The following CRTAC1 variants were observed in gnomAD, a reference collection of about 807,000 sequenced individuals.
CRTAC1 encodes the protein acidic secreted protein in cartilage.
A neutral mutation model predicts 67.8 loss-of-function variants in CRTAC1; 37 were observed. The observed-to-expected ratio is 0.55, with a 90% CI of 0.42 to 0.72. The LOEUF (loss-of-function observed/expected upper bound fraction) is 0.72, where lower values mean the gene tolerates loss of function less well. Ranked by LOEUF, CRTAC1 falls within the 30% of genes least tolerant of loss-of-function variation. CRTAC1 has a pLI of 0.00. For synonymous variants in CRTAC1, 348 were observed against 371.0 expected (o/e 0.94, Z 0.71); for missense variants, 780 against 931.6 (o/e 0.84, Z 2.12).
intron 2 of CRTAC1, 143 bp from the exon 3 acceptor site, chr10:97,936,509 G>A (rs2051091885): frequency 1.6e-6 from 1 of 620,708 alleles, no homozygotes; most frequent in South Asian, 2.3e-5. Context: ...AACACGGCCA[G>A]CCTTGCCTCA....
intron 2 of CRTAC1, among the ~76,000 whole-genome samples, chr10:97,988,943 C>G (rs188171173): frequency 7.2e-5 from 11 of 152,284 alleles, no homozygotes; most frequent in African/African-American, 2.4e-4. Context: ...AATCTGTGGA[C>G]TCAGTAAAGT....
In CRTAC1 at chr10:97,933,108, G is replaced by A. The variant is rs2051026037; in HGVS notation, c.421+3062C>T. 2.6e-5 allele frequency among the ~76,000 whole-genome samples: 4 copies of A among 152,362 alleles called. No individual in the cohort carries two copies. The South Asian group carries it at 8.3e-4, about 32-fold the overall frequency. ...GGCTGGTTGGGACCCCTGGAGAGTG[G>A]GAAGGGTGGCAATGGCCAAGTGCCA... is the stretch of plus-strand genomic sequence containing the variant. On this transcript the variant is annotated intron_variant, in intron 3 of 14. Coordinates refer to ENST00000370597, the MANE Select transcript of CRTAC1 (RefSeq NM_018058.7).
chr10:97,865,828 GGGA>G lies in CRTAC1; in HGVS notation c.1820-117_1820-115del. Reference sequence around the variant, plus strand: ...GCTCACCCTGCTGCCCGGGGTGGGAGGGAGGGTGACGGGCCTCATATTTCCTGT... The same window carrying G: ...GCTCACCCTGCTGCCCGGGGTGGGAGGGGTGACGGGCCTCATATTTCCTGT... On this transcript the variant is annotated intron_variant, in intron 14 of 14. Coordinates refer to ENST00000370597, the MANE Select transcript of CRTAC1 (RefSeq NM_018058.7). 8 of 1,200,244 alleles carry G rather than the reference GGGA, an allele frequency of 6.7e-6. No homozygotes were observed. The East Asian group carries it at 8.8e-5, about 13-fold the overall frequency. 74.3% of individuals were successfully genotyped at this position (1,200,244 alleles called of 1,614,324 possible). A position where few individuals can be genotyped will look rare whatever the true frequency, so the allele number is the denominator to read the frequency against.
intron 11 of CRTAC1, among the ~76,000 whole-genome samples, chr10:97,888,747 C>T (rs2050322643): frequency 6.6e-6 from 1 of 152,084 alleles, no homozygotes; most frequent in Non-Finnish European, 1.5e-5. Context: ...AGCCTCGAAG[C>T]CAGCTGGTCC....
chr10:97,892,243 C>A (rs1339921619), intron 11 of CRTAC1, among the ~76,000 whole-genome samples: 1 of 152,202 alleles, frequency 6.6e-6, no homozygotes, highest in Non-Finnish European at 1.5e-5. Flanking sequence ...CCAAGTGAGG[C>A]CCCTAATACA....
intron 14 of CRTAC1, among the ~76,000 whole-genome samples, chr10:97,875,382 G>A (rs538535404): frequency 2.9e-4 from 44 of 152,324 alleles, no homozygotes; most frequent in Admixed American, 2.6e-4. Context: ...TCTCTCTTGC[G>A]TCTCATTTTC....
At chr10:98,009,590 A>G (rs1271624624) in intron 2 of CRTAC1, among the ~76,000 whole-genome samples, 1 of 152,220 alleles carries the variant, frequency 6.6e-6, no homozygotes, top group Non-Finnish European at 1.5e-5. Context: ...TAGGGTTTAT[A>G]GATACTAGGT....
chr10:97,990,606 G>A (rs1842426649), intron 2 of CRTAC1, among the ~76,000 whole-genome samples: 1 of 152,186 alleles, frequency 6.6e-6, no homozygotes. Flanking sequence ...AAAAGATTTG[G>A]TTGGAGGAAG....
intron 3 of CRTAC1, among the ~76,000 whole-genome samples, chr10:97,926,687 A>C (rs1027717910): frequency 6.6e-6 from 1 of 152,258 alleles, no homozygotes; most frequent in African/African-American, 2.4e-5. Flanking sequence ...AATAGCTCAG[A>C]TTAGCCCAGG....
chr10:98,030,368 T>A lies in CRTAC1; in HGVS notation c.24+81A>T. 1.1e-6 allele frequency: 1 copy of A among 929,698 alleles called. No individual in the cohort carries two copies. The highest frequency in any genetic ancestry group is 1.4e-6 in the Non-Finnish European group (1 of 698,330). The allele number at this position is 929,698 out of a possible 1,614,324, so 57.6% of individuals were successfully genotyped here. Reference sequence around the variant, plus strand: ...TCCCGGGCGGCGTCCCCGCCACCCTTGCGGGCGGATCCGGGGGGGCGCGCA... The same window carrying A: ...TCCCGGGCGGCGTCCCCGCCACCCTAGCGGGCGGATCCGGGGGGGCGCGCA... On this transcript the variant is annotated intron_variant, in intron 1 of 14. Transcript: ENST00000370597. The surrounding 1 kb of genome is among the most constrained non-coding windows in gnomAD (Gnocchi z 4.2).
intron 8 of CRTAC1, among the ~76,000 whole-genome samples, chr10:97,899,272 C>T (rs910358402): frequency 2.6e-5 from 4 of 152,226 alleles, no homozygotes; most frequent in African/African-American, 4.8e-5. Context: ...GAAGTGGCTT[C>T]TGCTGCTGCT....
chr10:97,951,435 A>G (rs749655562), intron 2 of CRTAC1, among the ~76,000 whole-genome samples: 1 of 152,256 alleles, frequency 6.6e-6, no homozygotes, highest in African/African-American at 2.4e-5. Flanking sequence ...TAAAGCTGCC[A>G]TCTACTAAAA....
chr10:97,894,711 CATATATATATATATATATAT>C lies in CRTAC1; in HGVS notation c.1486+514_1486+533del, dbSNP rs66795716. 4.0e-3 allele frequency among the ~76,000 whole-genome samples: 240 copies of C among 60,046 alleles called. 3 individuals are homozygous for C. Among genetic ancestry groups the C allele is most frequent in the Middle Eastern group, 0.01 (1 of 98 alleles). 39.4% of individuals were successfully genotyped at this position (60,046 alleles called of 152,430 possible). On this transcript the variant is annotated intron_variant, in intron 11 of 14. Transcript: ENST00000370597. ...CTGTGCCCAGCCCCTGATGCTTTTA[CATATATATATATATATATAT>C]ATATATATATATATATATATATATA...
chr10:97,939,878 C>T (rs941187524), intron 2 of CRTAC1, among the ~76,000 whole-genome samples: 2 of 152,174 alleles, frequency 1.3e-5, no homozygotes, highest in African/African-American at 4.8e-5. Flanking sequence ...GCATTTTGCA[C>T]CTCGCTTATT....
intron 2 of CRTAC1, among the ~76,000 whole-genome samples, chr10:97,960,736 G>T: frequency 6.6e-6 from 1 of 152,166 alleles, no homozygotes; most frequent in East Asian, 1.9e-4. Flanking sequence ...CTGGCTTATG[G>T]GTCAACATAT....
chr10:97,953,656 C>T (rs939775709), intron 2 of CRTAC1, among the ~76,000 whole-genome samples: 2 of 152,176 alleles, frequency 1.3e-5, no homozygotes, highest in Non-Finnish European at 2.9e-5. Flanking sequence ...CCAGTGGGGT[C>T]ATTATTTATC....
At chr10:97,916,295 G>A (rs2050758100) in intron 5 of CRTAC1, among the ~76,000 whole-genome samples, 1 of 152,200 alleles carries the variant, frequency 6.6e-6, no homozygotes, top group African/African-American at 2.4e-5. Flanking sequence ...TTTTCCGGGG[G>A]AAACATAGTT....
chr10:98,005,097 TA>T lies in CRTAC1; in HGVS notation c.224+6040del, dbSNP rs1419881890. Among the ~76,000 whole-genome samples, 232 of 59,014 alleles carry T rather than the reference TA, an allele frequency of 3.9e-3. 2 individuals are homozygous for T. Among genetic ancestry groups the T allele is most frequent in the African/African-American group, 0.014 (222 of 15,908 alleles). The allele number at this position is 59,014 out of a possible 152,430, so 38.7% of individuals were successfully genotyped here. A position where few individuals can be genotyped will look rare whatever the true frequency, so the allele number is the denominator to read the frequency against. On this transcript the variant is annotated intron_variant, in intron 2 of 14. Coordinates refer to ENST00000370597, the MANE Select transcript of CRTAC1 (RefSeq NM_018058.7). ...AAAGTAATACATATATATATATATA[TA>T]TATTTTTTTTTTTTTTTTTTTTTGA... is the stretch of plus-strand genomic sequence containing the variant.
At chr10:97,874,959 G>A (rs1205107629) in intron 14 of CRTAC1, among the ~76,000 whole-genome samples, 1 of 152,310 alleles carries the variant, frequency 6.6e-6, no homozygotes, top group South Asian at 2.1e-4. Context: ...TTTAGTGCCT[G>A]CCACGTCTTG....
Sources: allele counts gnomAD v4.1 joint callset (sites outside exome capture counted in the v4.1 genomes callset), GRCh38; gene constraint gnomAD v4.1.1; non-coding constraint Gnocchi (gnomAD v3.1); transcripts MANE v1.5; gene names NCBI Gene and HGNC (gene_info 2026-07-23, HGNC 2026-07-21).